EEF1E1: variants seen among roughly 807,000 people sequenced by gnomAD.
EEF1E1 encodes eukaryotic translation elongation factor 1 epsilon 1, also known as eukaryotic translation elongation factor 1 epsilon-1.
A neutral mutation model predicts 19.9 loss-of-function variants in EEF1E1; 19 were observed. That is an observed-to-expected ratio of 0.95 (90% confidence interval 0.66 to 1.40). The LOEUF (loss-of-function observed/expected upper bound fraction) is 1.40. Ranked by LOEUF, EEF1E1 falls within the 40% of genes most tolerant of loss-of-function variation. The pLI is 0.00. For missense variants in EEF1E1, 198 were observed against 202.2 expected, an observed-to-expected ratio of 0.98 and a Z score of 0.13; for synonymous variants, 81 against 80.0, an observed-to-expected ratio of 1.01 and a Z score of -0.07.
At chr6:8,090,538 T>C (rs1757987471) in intron 2 of EEF1E1, among the ~76,000 whole-genome samples, 1 of 152,248 alleles carries the variant, frequency 6.6e-6, no homozygotes, top group Non-Finnish European at 1.5e-5. Context: ...GTGCCATCTA[T>C]GATCATGTTA....
intron 3 of EEF1E1, among the ~76,000 whole-genome samples, chr6:8,088,480 A>G (rs1757928146): frequency 6.6e-6 from 1 of 152,152 alleles, no homozygotes; most frequent in Non-Finnish European, 1.5e-5. Flanking sequence ...TTCTTGTGAT[A>G]GTGAATAAGT....
chr6:8,073,491 G>C (rs1757528554), exon 4 of EEF1E1: 1 of 1,549,938 alleles, frequency 6.5e-7, no homozygotes, highest in Admixed American at 2.0e-5. Flanking sequence ...CCCTACCTCT[G>C]TGTGCCTCAG....
rs542278427 is a variant in EEF1E1 at position 8,085,305 on chromosome 6, C to T, written c.384+4881G>A. On this transcript the variant is annotated intron_variant, in intron 3 of 3. Coordinates refer to ENST00000379715, the MANE Select transcript of EEF1E1 (RefSeq NM_004280.5). ...TGGGACTACAGTCACAGAGCTACCA[C>T]GCCTGGTTAATGGTTTTTTTTTTTT... Among the ~76,000 whole-genome samples the T allele has an allele frequency of 4.4e-4, 66 of 150,190 alleles. No homozygotes were observed. In the South Asian group the frequency reaches 9.5e-3, roughly 22 times the overall value.
intron 2 of EEF1E1, among the ~76,000 whole-genome samples, chr6:8,097,065 G>A (rs373743465): frequency 3.3e-5 from 5 of 152,172 alleles, no homozygotes; most frequent in Non-Finnish European, 7.4e-5. Flanking sequence ...AAGTAGTCAA[G>A]GAAGTTTCCA....
At chr6:8,078,566 C>T (rs1046826745), downstream of EEF1E1, 30 of 947,076 alleles carry the variant, frequency 3.2e-5, no homozygotes, top group Non-Finnish European at 7.8e-6. Context: ...TAGTCTCGCT[C>T]GAAGCAGGGT....
At chr6:8,078,807 T>G, downstream of EEF1E1, 6 of 1,220,922 alleles carry the variant, frequency 4.9e-6, no homozygotes, top group Non-Finnish European at 6.2e-6. Context: ...TTTTTCTTCA[T>G]GTTGTCTACT....
At chr6:8,084,318 C>T (rs1313354257) in intron 3 of EEF1E1, among the ~76,000 whole-genome samples, 2 of 152,186 alleles carry the variant, frequency 1.3e-5, no homozygotes, top group Non-Finnish European at 2.9e-5. Context: ...CACTTAGACT[C>T]GTAATTAAAT....
chr6:8,083,946 T>C (rs2113641290), intron 3 of EEF1E1, among the ~76,000 whole-genome samples: 1 of 152,308 alleles, frequency 6.6e-6, no homozygotes, highest in East Asian at 1.9e-4. Context: ...AACACCACAG[T>C]GCAATTCTGC....
At position 8,102,542 on chromosome 6, in the gene EEF1E1, C is replaced by T. The variant is rs779400687; in HGVS notation, c.-21G>A. ...GCCATCTTCCGGCCGTAGCTCCTGG[C>T]AGACGCGAGACCTGCAGAACAAGAA... On this transcript the variant is annotated 5_prime_UTR_variant, in exon 1 of 4. Coordinates refer to ENST00000379715, the MANE Select transcript of EEF1E1 (RefSeq NM_004280.5). The T allele has an allele frequency of 5.6e-6, 9 of 1,606,928 alleles. No homozygotes were observed. The highest frequency in any genetic ancestry group is 2.2e-5 in the South Asian group (2 of 91,016).
intron 1 of EEF1E1, 109 bp from the exon 2 acceptor site, chr6:8,097,576 AT>A: frequency 1.2e-6 from 1 of 801,056 alleles, no homozygotes. Context: ...ATAATCCTGG[AT>A]TTTACTCTAA....
chr6:8,092,798 A>G (rs1758048834), intron 2 of EEF1E1, among the ~76,000 whole-genome samples: 1 of 148,602 alleles, frequency 6.7e-6, no homozygotes, highest in Non-Finnish European at 1.5e-5. Context: ...ACCTGAAACA[A>G]TAACAGTTTT....
In EEF1E1 at chr6:8,080,018, C is replaced by G. The variant is rs767990459; in HGVS notation, c.397G>C (p.Val133Leu). 6.2e-7 allele frequency: 1 copy of G among 1,613,292 alleles called. No homozygotes were observed. The highest frequency in any genetic ancestry group is 1.7e-5 in the Admixed American group (1 of 60,012). The change falls in exon 4 of 4, where the codon GTT becomes CTT. Residue 133 changes from valine to leucine, a missense_variant. Coordinates refer to ENST00000379715, the MANE Select transcript of EEF1E1 (RefSeq NM_004280.5). ...GLHRFIVDLT[V>L]QEKEKYLNVS... ...TTAAGATATTTCTCCTTTTCTTGAA[C>G]TGTCAGGTCAACCTAAGTAGAGATT...
chr6:8,086,083 G>A (rs1367331250), intron 3 of EEF1E1, among the ~76,000 whole-genome samples: 3 of 151,982 alleles, frequency 2.0e-5, no homozygotes, highest in Non-Finnish European at 4.4e-5. Flanking sequence ...TTACAATAAT[G>A]TTACAGAATT....
At chr6:8,100,965 C>T (rs1758332936) in intron 1 of EEF1E1, among the ~76,000 whole-genome samples, 1 of 148,798 alleles carries the variant, frequency 6.7e-6, no homozygotes, top group Non-Finnish European at 1.5e-5. Context: ...GTGGTTCACG[C>T]CTGTAATCCC....
intron 2 of EEF1E1, chr6:8,095,399 AG>A (rs1758142021): frequency 2.5e-6 from 1 of 400,442 alleles, no homozygotes; most frequent in African/African-American, 2.1e-5. Flanking sequence ...TTTACTCGGG[AG>A]GCTGAGGCAC....
downstream of EEF1E1, among the ~76,000 whole-genome samples, chr6:8,076,548 C>G (rs1228337649): frequency 6.6e-6 from 1 of 152,156 alleles, no homozygotes; most frequent in African/African-American, 2.4e-5. Context: ...TGGTCTAAAT[C>G]TCCTGACCTC....
downstream of EEF1E1, among the ~76,000 whole-genome samples, chr6:8,076,509 C>T (rs568759286): frequency 6.6e-6 from 1 of 151,182 alleles, no homozygotes; most frequent in East Asian, 2.0e-4. Context: ...ATTTTTAGTA[C>T]AGACGGGGTT....
At chr6:8,080,053 C>A in intron 3 of EEF1E1, 23 bp from the exon 4 acceptor site, 1 of 1,610,066 alleles carries the variant, frequency 6.2e-7, no homozygotes, top group Non-Finnish European at 8.5e-7. Context: ...TAAAAACATA[C>A]ACACACAACA....
At chr6:8,089,891 G>C (rs1757969029) in intron 3 of EEF1E1, 1 of 341,448 alleles carries the variant, frequency 2.9e-6, no homozygotes, top group Non-Finnish European at 5.2e-6. Context: ...TCAAGGTCAA[G>C]GAAAAGGAAG....
Sources: allele counts gnomAD v4.1 joint callset (sites outside exome capture counted in the v4.1 genomes callset), GRCh38; gene constraint gnomAD v4.1.1; transcripts MANE v1.5; gene names NCBI Gene and HGNC (gene_info 2026-07-23, HGNC 2026-07-21).